The following ZNF560 variants were observed in gnomAD, a reference collection of about 807,000 sequenced individuals.
The protein encoded by ZNF560 is zinc finger protein 560.
In ZNF560, 54 loss-of-function variants were observed where a neutral mutation model predicts 81.8. The observed-to-expected ratio is 0.66, with a 90% CI of 0.53 to 0.83. The LOEUF (loss-of-function observed/expected upper bound fraction) is 0.83, where lower values mean the gene tolerates loss of function less well. ZNF560 is among the 40% of genes least tolerant of loss of function. The pLI is 0.00. For missense variants in ZNF560, 940 were observed against 932.4 expected, an observed-to-expected ratio of 1.01 and a Z score of -0.11; for synonymous variants, 321 against 317.9, an observed-to-expected ratio of 1.01 and a Z score of -0.10.
At chr19:9,488,934 C>G (rs117371419) in intron 2 of ZNF560, among the ~76,000 whole-genome samples, 3 of 152,088 alleles carry the variant, frequency 2.0e-5, no homozygotes, top group African/African-American at 7.2e-5. Context: ...GCACCTCCCC[C>G]TCATTCTCCC....
chr19:9,503,523 T>A (rs2073648374), upstream of ZNF560, among the ~76,000 whole-genome samples: 2 of 152,292 alleles, frequency 1.3e-5, no homozygotes, highest in East Asian at 3.9e-4. Context: ...GCCTCTCATT[T>A]TAAAATTACT....
intron 8 of ZNF560, 73 bp downstream of exon 8, chr19:9,469,557 A>G (rs2073089857): frequency 1.4e-6 from 2 of 1,395,068 alleles, no homozygotes; most frequent in African/African-American, 1.4e-5. Flanking sequence ...AGGGCATCTT[A>G]TAAAACTTCA....
Position 9,470,379 on chromosome 19 carries a change from A to T in ZNF560, c.448+13T>A. ...GTTCCAGAATAGGCTACAAGGGATG[A>T]TGCCAGACTTACCTACTGAGGACAG... On this transcript the variant is annotated intron_variant, in intron 7 of 9. Transcript: ENST00000301480. 1.2e-6 allele frequency: 2 copies of T among 1,603,408 alleles called. No homozygotes were observed. Among genetic ancestry groups the T allele is most frequent in the Non-Finnish European group, 1.7e-6 (2 of 1,175,040 alleles).
chr19:9,482,158 G>A (rs149823985), intron 2 of ZNF560, among the ~76,000 whole-genome samples: 66 of 152,084 alleles, frequency 4.3e-4, no homozygotes, highest in African/African-American at 1.6e-3. Flanking sequence ...ATCATTCTCA[G>A]CAAACTCTCA....
At chr19:9,470,628 C>T (rs2073106791) in intron 6 of ZNF560, 110 bp from the exon 7 acceptor site, 10 of 1,451,914 alleles carry the variant, frequency 6.9e-6, no homozygotes, top group African/African-American at 1.4e-5. Context: ...AGTGCTCCCA[C>T]TATCTACACC....
At chr19:9,485,027 C>A (rs2144715425) in intron 2 of ZNF560, among the ~76,000 whole-genome samples, 1 of 152,092 alleles carries the variant, frequency 6.6e-6, no homozygotes, top group South Asian at 2.1e-4. Flanking sequence ...CACAACCTAC[C>A]AAACACTAAA....
rs1028348387 is a variant in ZNF560 at position 9,475,173 on chromosome 19, T to A, written c.30+111A>T. 3 of 1,131,650 alleles carry A rather than the reference T, an allele frequency of 2.7e-6. No individual in the cohort carries two copies. In the South Asian group the frequency reaches 3.9e-5, roughly 15 times the overall value. 70.1% of individuals were successfully genotyped at this position (1,131,650 alleles called of 1,614,324 possible). ...TTCAACAAGTGACTCAGTGCTTGAG[T>A]GAGTCTTTATTTACTTAAAGAAGCT... On this transcript the variant is annotated intron_variant, in intron 3 of 9. Transcript: ENST00000301480.
intron 2 of ZNF560, among the ~76,000 whole-genome samples, chr19:9,484,594 G>A (rs182643630): frequency 8.7e-5 from 12 of 137,348 alleles, no homozygotes; most frequent in South Asian, 4.6e-4. Context: ...CTATCCTGGC[G>A]AACATGGTGA....
chr19:9,452,550 C>A, the ZNF560 span, among the ~76,000 whole-genome samples: 1 of 152,196 alleles, frequency 6.6e-6, no homozygotes, highest in Non-Finnish European at 1.5e-5. Context: ...TACATATACA[C>A]CATGGAATAC....
chr19:9,469,083 A>G lies in ZNF560; in HGVS notation c.612+22T>C, dbSNP rs531444876. On this transcript the variant is annotated intron_variant, in intron 9 of 9. Transcript: ENST00000301480. ...GTCTTCTCTGAATGTGAAAAATAAG[A>G]AAGTTCTTTTGTTAATCTTACCAAC... 522 of 1,538,650 alleles carry G rather than the reference A, an allele frequency of 3.4e-4. 4 individuals are homozygous for G. Among genetic ancestry groups the G allele is most frequent in the South Asian group, 3.0e-3 (247 of 83,132 alleles).
Position 9,474,461 on chromosome 19 carries a change from A to T in ZNF560, c.31-136T>A, listed in dbSNP as rs559681003. On this transcript the variant is annotated intron_variant, in intron 3 of 9. Transcript: ENST00000301480. ...TATCTACCCAAAGCTTAATAATCCC[A>T]GGTAAATCTCAGGTATTCCTCTCTC... 63 of 970,508 alleles carry T rather than the reference A, an allele frequency of 6.5e-5. No homozygotes were observed. The African/African-American group carries it at 9.8e-4, about 15-fold the overall frequency. The allele number at this position is 970,508 out of a possible 1,614,324, so 60.1% of individuals were successfully genotyped here. A position where few individuals can be genotyped will look rare whatever the true frequency, so the allele number is the denominator to read the frequency against.
chr19:9,486,478 A>G (rs2010967), intron 2 of ZNF560, among the ~76,000 whole-genome samples: 22,920 of 152,212 alleles, frequency 0.15, 2,586 homozygotes, highest in African/African-American at 0.31. Context: ...GGTGGCTTAC[A>G]CCTGTAATCC....
rs183196548 is a variant in ZNF560, at chr19:9,474,192, G to A, written c.157+7C>T. 92 of 1,614,086 alleles carry A rather than the reference G, an allele frequency of 5.7e-5. No homozygotes were observed. Among genetic ancestry groups the A allele is most frequent in the Non-Finnish European group, 7.5e-5 (89 of 1,179,992 alleles). The stretch of plus-strand genomic sequence containing the variant: ...TAAGAGGCTGCATAAAATGATGGCA[G>A]TCTTACCTACTTTGGCCACGTTCTC... On this transcript the variant is annotated splice_region_variant and intron_variant, in intron 4 of 9. Transcript: ENST00000301480.
chr19:9,472,650 T>C (rs935101674), intron 5 of ZNF560, among the ~76,000 whole-genome samples: 5 of 152,322 alleles, frequency 3.3e-5, no homozygotes, highest in African/African-American at 4.8e-5. Flanking sequence ...AGGGTTCCCA[T>C]TGATTCTACA....
At chr19:9,477,726 T>C (rs1431274079) in intron 2 of ZNF560, among the ~76,000 whole-genome samples, 1 of 152,198 alleles carries the variant, frequency 6.6e-6, no homozygotes, top group African/African-American at 2.4e-5. Context: ...TTCCTAAAAT[T>C]TCTGCTTGTA....
chr19:9,475,750 G>A (rs549200477), intron 2 of ZNF560, among the ~76,000 whole-genome samples: 2 of 151,980 alleles, frequency 1.3e-5, no homozygotes, highest in Non-Finnish European at 2.9e-5. Flanking sequence ...GGGACTACAG[G>A]CACCTGCCAC....
rs2073065090 is a variant in ZNF560, at chr19:9,468,256, T to C, written c.691A>G (p.Thr231Ala). ...CCTCTATTTTGAGTACTCATGTTGG[T>C]CTTAAGGCATGGATGTTTACAGAAG... ...DVFCKHPCLKTNMSTQNRGNT... is the reference protein window; with the variant it reads ...DVFCKHPCLKANMSTQNRGNT... Residue 231 changes from threonine (T) to alanine (A), a missense_variant, in exon 10 of 10, where the codon ACC becomes GCC. Coordinates refer to ENST00000301480, the MANE Select transcript of ZNF560 (RefSeq NM_152476.3). 6.2e-7 allele frequency: 1 copy of C among 1,613,966 alleles called. No individual in the cohort carries two copies. The highest frequency in any genetic ancestry group is 1.3e-5 in the African/African-American group (1 of 75,026).
intron 1 of ZNF560, 75 bp downstream of exon 1, chr19:9,498,463 G>T (rs1251619580): frequency 6.6e-6 from 1 of 152,360 alleles, no homozygotes; most frequent in Non-Finnish European, 1.5e-5. Context: ...GAGGTTCCTC[G>T]ATTACCCTGG....
the ZNF560 span, among the ~76,000 whole-genome samples, chr19:9,456,652 A>G: frequency 2.0e-5 from 3 of 152,216 alleles, no homozygotes; most frequent in Non-Finnish European, 4.4e-5. Context: ...TGCATGGCCA[A>G]TTCAGCCTGC....
Sources: gnomAD v4.1 joint callset for allele counts (sites outside exome capture counted in the v4.1 genomes callset) on GRCh38, gnomAD v4.1.1 for gene constraint, MANE v1.5 for transcripts, NCBI Gene and HGNC (gene_info 2026-07-23, HGNC 2026-07-21) for gene names.